TENM3: variants seen among roughly 807,000 people sequenced by gnomAD.
TENM3 encodes teneurin-3.
TENM3 carries 63 observed loss-of-function variants against 255.1 expected under a neutral mutation model. The observed-to-expected ratio is 0.25, with a 90% CI of 0.20 to 0.30. TENM3 has a LOEUF of 0.30. TENM3 is among the 10% of genes least tolerant of loss of function. The probability of loss-of-function intolerance (pLI) is 1.00; values close to 1 mark genes in which losing one functional copy is unlikely to be tolerated. For synonymous variants in TENM3, 1,306 were observed against 1,322.3 expected (o/e 0.99, Z 0.27); for missense variants, 2,929 against 3,461.1 (o/e 0.85, Z 3.86).
the TENM3 span, among the ~76,000 whole-genome samples, chr4:181,752,323 G>A: frequency 6.6e-6 from 1 of 152,160 alleles, no homozygotes; most frequent in Admixed American, 6.5e-5. Flanking sequence ...GCCGAGGCGG[G>A]CAGATCTCCT....
the TENM3 span, among the ~76,000 whole-genome samples, chr4:181,594,561 C>T: frequency 3.3e-5 from 5 of 152,314 alleles, no homozygotes; most frequent in African/African-American, 1.2e-4. Flanking sequence ...TCTCCAAGAT[C>T]TCTCAATATC....
chr4:182,048,500 T>C, the TENM3 span, among the ~76,000 whole-genome samples: 1 of 152,232 alleles, frequency 6.6e-6, no homozygotes, highest in East Asian at 1.9e-4. Context: ...ATTGTTCAAC[T>C]ACAGCAAATT....
At chr4:182,250,854 TAAG>T (rs1757965497) in intron 1 of TENM3, among the ~76,000 whole-genome samples, 1 of 152,242 alleles carries the variant, frequency 6.6e-6, no homozygotes, top group African/African-American at 2.4e-5. Context: ...GGTGAATTGA[TAAG>T]GTCTCCCGCA....
the TENM3 span, among the ~76,000 whole-genome samples, chr4:181,678,192 G>T: frequency 1.3e-5 from 2 of 152,088 alleles, no homozygotes; most frequent in Non-Finnish European, 2.9e-5. Context: ...AAAAATCACT[G>T]AACACCACAA....
intron 1 of TENM3, among the ~76,000 whole-genome samples, chr4:182,229,180 C>T (rs1258689403): frequency 6.6e-6 from 1 of 152,168 alleles, no homozygotes; most frequent in African/African-American, 2.4e-5. Flanking sequence ...TTCATTTCAG[C>T]TTTAACCTAC....
chr4:182,724,533 C>CTAG (rs758051885), intron 13 of TENM3, among the ~76,000 whole-genome samples: 2 of 152,220 alleles, frequency 1.3e-5, no homozygotes, highest in Non-Finnish European at 2.9e-5. Context: ...TTGATGTTAG[C>CTAG]AGAGAGGCTT....
At chr4:181,579,662 G>A in the TENM3 span, among the ~76,000 whole-genome samples, 13 of 152,038 alleles carry the variant, frequency 8.6e-5, no homozygotes, top group East Asian at 3.9e-4. Flanking sequence ...CTTTCAACTC[G>A]GCATCTTTTT....
At chr4:182,630,616 T>A (rs1300186531) in intron 5 of TENM3, among the ~76,000 whole-genome samples, 1 of 152,028 alleles carries the variant, frequency 6.6e-6, no homozygotes, top group Non-Finnish European at 1.5e-5. Flanking sequence ...AATACCTAGG[T>A]GATGAGTTGA....
At chr4:181,590,459 G>T in the TENM3 span, among the ~76,000 whole-genome samples, 2 of 152,200 alleles carry the variant, frequency 1.3e-5, no homozygotes, top group African/African-American at 4.8e-5. Context: ...TGTGCCAAGA[G>T]CCAGGCCTAC....
chr4:182,313,700 T>C (rs1762580556), intron 1 of TENM3, among the ~76,000 whole-genome samples: 1 of 152,200 alleles, frequency 6.6e-6, no homozygotes, highest in African/African-American at 2.4e-5. Context: ...GAATGTGTAT[T>C]AAACAGTGCT....
At chr4:182,183,592 A>G (rs1016151851) in intron 1 of TENM3, among the ~76,000 whole-genome samples, 3 of 152,186 alleles carry the variant, frequency 2.0e-5, no homozygotes, top group Non-Finnish European at 4.4e-5. Context: ...TAGTTATTCC[A>G]GCTGAAGTTT....
intron 3 of TENM3, among the ~76,000 whole-genome samples, chr4:182,377,044 C>T (rs1045093819): frequency 2.6e-5 from 4 of 152,100 alleles, no homozygotes; most frequent in Non-Finnish European, 4.4e-5. Flanking sequence ...GTAATCCGTC[C>T]GCACTGTCTC....
chr4:182,537,634 C>T (rs929538362), intron 3 of TENM3, among the ~76,000 whole-genome samples: 1 of 152,084 alleles, frequency 6.6e-6, no homozygotes, highest in African/African-American at 2.4e-5. Flanking sequence ...CGTCTTCTGC[C>T]CTTTTTCAAA....
chr4:181,494,704 T>G, the TENM3 span, among the ~76,000 whole-genome samples: 1 of 152,206 alleles, frequency 6.6e-6, no homozygotes, highest in Non-Finnish European at 1.5e-5. Context: ...TTCTTCATAA[T>G]TTCCCTTCTG....
chr4:181,514,032 C>T, the TENM3 span, among the ~76,000 whole-genome samples: 1 of 152,078 alleles, frequency 6.6e-6, no homozygotes, highest in South Asian at 2.1e-4. Flanking sequence ...TAAAGAAATA[C>T]CACAAGCACA....
chr4:182,720,477 A>G (rs1182244014), intron 13 of TENM3, among the ~76,000 whole-genome samples: 1 of 152,122 alleles, frequency 6.6e-6, no homozygotes, highest in Non-Finnish European at 1.5e-5. Flanking sequence ...ATTCAGGTAG[A>G]TGATGGTTTG....
intron 3 of TENM3, among the ~76,000 whole-genome samples, chr4:182,481,151 G>A (rs73001307): frequency 0.06 from 9,193 of 152,128 alleles, 429 homozygotes; most frequent in African/African-American, 0.13. Flanking sequence ...GGCCAAGAGA[G>A]TTTCTATAAC....
the TENM3 span, among the ~76,000 whole-genome samples, chr4:182,053,523 A>T: frequency 1.3e-5 from 2 of 152,066 alleles, no homozygotes; most frequent in African/African-American, 4.8e-5. Context: ...TAGACCCATG[A>T]CCACAGGGGT....
At chr4:181,782,926 C>T in the TENM3 span, among the ~76,000 whole-genome samples, 13 of 152,048 alleles carry the variant, frequency 8.5e-5, no homozygotes, top group South Asian at 2.1e-4. Context: ...TGTAGTTGAG[C>T]GGTTTTGAGT....
Sources: gnomAD v4.1 joint callset for allele counts (sites outside exome capture counted in the v4.1 genomes callset) on GRCh38, gnomAD v4.1.1 for gene constraint, MANE v1.5 for transcripts, NCBI Gene and HGNC (gene_info 2026-07-23, HGNC 2026-07-21) for gene names.